Variants in CHD7 observed in about 807,000 individuals in gnomAD.
CHD7 encodes the protein chromodomain helicase DNA binding protein 7.
A neutral mutation model predicts 307.3 loss-of-function variants in CHD7; 24 were observed. The ratio of observed to expected loss-of-function variants is 0.08; its 90% confidence interval spans 0.06 to 0.11. The LOEUF is 0.11. Among genes scored for constraint, CHD7 ranks in the 10% least tolerant of loss-of-function variants. The pLI, the probability that CHD7 is intolerant of heterozygous loss-of-function variation, is 1.00. For missense variants in CHD7, 3,106 were observed against 3,727.1 expected (o/e 0.83, Z 4.34); for synonymous variants, 1,363 against 1,349.9 (o/e 1.01, Z -0.21).
chr8:60,712,747 T>G (rs1807345753), intron 1 of CHD7, among the ~76,000 whole-genome samples: 2 of 151,862 alleles, frequency 1.3e-5, no homozygotes, highest in Admixed American at 1.3e-4. Context: ...TGAAACCCCA[T>G]CTCTACTAAA....
chr8:60,691,094 T>C (rs970905908), intron 1 of CHD7, among the ~76,000 whole-genome samples: 2 of 152,014 alleles, frequency 1.3e-5, no homozygotes, highest in Non-Finnish European at 2.9e-5. Flanking sequence ...CCTGGCTAAT[T>C]TTTATATTTT....
At chr8:60,840,170 T>G (rs1363649782) in intron 19 of CHD7, among the ~76,000 whole-genome samples, 1 of 152,232 alleles carries the variant, frequency 6.6e-6, no homozygotes, top group Admixed American at 6.5e-5. Context: ...TGGTGTGAGG[T>G]AGGGGTCCAA....
chr8:60,790,536 T>C (rs1016293751), intron 3 of CHD7, among the ~76,000 whole-genome samples: 28 of 152,198 alleles, frequency 1.8e-4, no homozygotes, highest in African/African-American at 6.8e-4. Context: ...AGGTTGACGC[T>C]ATGTGGGGGT....
At chr8:60,796,941 A>G (rs4391471) in intron 4 of CHD7, among the ~76,000 whole-genome samples, 118,199 of 152,190 alleles carry the variant, frequency 0.78, 46,149 homozygotes, top group East Asian at 0.94. Flanking sequence ...GTCACAAGGT[A>G]CTGCAACAGT....
At position 60,714,880 on chromosome 8, in the gene CHD7, T is replaced by C. The variant is rs1481561282; in HGVS notation, c.-174-26379T>C. ...TGGTAATGCCTGTTGCTGACATAGCTCTATCAGAAAGGTGCTCAGCGGCTG... is the reference window on the plus strand; with the variant it reads ...TGGTAATGCCTGTTGCTGACATAGCCCTATCAGAAAGGTGCTCAGCGGCTG... On this transcript the variant is annotated intron_variant, in intron 1 of 37. Transcript: ENST00000423902. Among the ~76,000 whole-genome samples, 5 of 152,190 alleles carry C rather than the reference T, an allele frequency of 3.3e-5. No individual in the cohort carries two copies. The East Asian group carries it at 9.6e-4, about 29-fold the overall frequency.
At chr8:60,810,380 A>AGAGTGTGTGTGTGTGT (rs534826288) in intron 7 of CHD7, among the ~76,000 whole-genome samples, 1 of 145,980 alleles carries the variant, frequency 6.9e-6, no homozygotes, top group Non-Finnish European at 1.5e-5. Context: ...AGAGAGAGAG[A>AGAGTGTGTGTGTGTGT]GTGTGTGTGT....
chr8:60,679,334 C>G (rs1455008474), intron 1 of CHD7, among the ~76,000 whole-genome samples: 2 of 146,506 alleles, frequency 1.4e-5, no homozygotes, highest in Non-Finnish European at 3.0e-5. Flanking sequence ...CGCCCGGCGC[C>G]CCAACTTTTG....
At chr8:60,829,258 TA>T (rs1238980182) in intron 14 of CHD7, among the ~76,000 whole-genome samples, 2 of 152,228 alleles carry the variant, frequency 1.3e-5, no homozygotes, top group Non-Finnish European at 2.9e-5. Flanking sequence ...ACTTAGGGCA[TA>T]ACCACTGCAC....
At chr8:60,701,600 A>G (rs1177060781) in intron 1 of CHD7, among the ~76,000 whole-genome samples, 1 of 152,222 alleles carries the variant, frequency 6.6e-6, no homozygotes, top group East Asian at 1.9e-4. Flanking sequence ...TCTACCTTAT[A>G]TAATGGGAAT....
At chr8:60,688,594 T>A (rs1413329314) in intron 1 of CHD7, among the ~76,000 whole-genome samples, 1 of 152,184 alleles carries the variant, frequency 6.6e-6, no homozygotes, top group African/African-American at 2.4e-5. Flanking sequence ...TCTTGTTGAT[T>A]ATATAGAGTT....
chr8:60,820,184 C>T, intron 9 of CHD7, 94 bp downstream of exon 9: 1 of 730,696 alleles, frequency 1.4e-6, no homozygotes, highest in South Asian at 2.0e-5. Context: ...TGGTCTTGGT[C>T]AGAGCCTTGG....
At chr8:60,724,318 A>G (rs944545980) in intron 1 of CHD7, among the ~76,000 whole-genome samples, 3 of 152,236 alleles carry the variant, frequency 2.0e-5, no homozygotes, top group Admixed American at 6.5e-5. Context: ...ATTGTAGATC[A>G]TCAGCTCCTA....
Position 60,866,194 on chromosome 8 carries a change from C to G in CHD7, c.*261C>G. 1 of 327,616 alleles carries G rather than the reference C, an allele frequency of 3.1e-6. No individual in the cohort carries two copies. Among genetic ancestry groups the G allele is most frequent in the Non-Finnish European group, 5.6e-6 (1 of 179,738 alleles). The allele number at this position is 327,616 out of a possible 1,614,324, so 20.3% of individuals were successfully genotyped here. The stretch of plus-strand genomic sequence containing the variant: ...TCTTTTTAAGGAAACTTACATAATG[C>G]TCTGCTTTTTTTTTTTCTCTTGGTA... On this transcript the variant is annotated 3_prime_UTR_variant, in exon 38 of 38. Coordinates refer to ENST00000423902, the MANE Select transcript of CHD7 (RefSeq NM_017780.4).
intron 4 of CHD7, among the ~76,000 whole-genome samples, chr8:60,797,845 G>A (rs549211000): frequency 4.5e-4 from 69 of 152,334 alleles, no homozygotes; most frequent in African/African-American, 1.6e-3. Flanking sequence ...AAGTAGGTCA[G>A]CTTTGGAAAG....
intron 9 of CHD7, among the ~76,000 whole-genome samples, chr8:60,821,068 T>C (rs1370979307): frequency 6.6e-6 from 1 of 152,224 alleles, no homozygotes; most frequent in African/African-American, 2.4e-5. Context: ...TCAAATATGT[T>C]ATTTTAATGT....
At chr8:60,813,212 G>T (rs1191232313) in intron 7 of CHD7, among the ~76,000 whole-genome samples, 1 of 152,164 alleles carries the variant, frequency 6.6e-6, no homozygotes, top group East Asian at 1.9e-4. Flanking sequence ...AATTGTTGTT[G>T]TGAATGAAGA....
At chr8:60,817,451 T>C (rs993489416) in intron 8 of CHD7, among the ~76,000 whole-genome samples, 2 of 152,220 alleles carry the variant, frequency 1.3e-5, no homozygotes, top group South Asian at 4.1e-4. Context: ...GTCTGTGTTC[T>C]TCTGGGATCT....
chr8:60,767,683 C>T lies in CHD7; in HGVS notation c.1666-13317C>T, dbSNP rs76696141. 5.5e-3 allele frequency among the ~76,000 whole-genome samples: 842 copies of T among 152,334 alleles called. 6 individuals are homozygous for T. Among genetic ancestry groups the T allele is most frequent in the African/African-American group, 0.02 (812 of 41,576 alleles). ...AATGCTGTCTCCCTGCCCAGCAGCT[C>T]TGTGCGGGACTCCTCACGGTGCTGG... On this transcript the variant is annotated intron_variant, in intron 2 of 37. Coordinates refer to ENST00000423902, the MANE Select transcript of CHD7 (RefSeq NM_017780.4).
intron 29 of CHD7, 115 bp from the exon 30 acceptor site, chr8:60,852,383 T>C (rs961164142): frequency 7.7e-7 from 1 of 1,293,234 alleles, no homozygotes; most frequent in Non-Finnish European, 1.1e-6. Flanking sequence ...AGCAGTCTGT[T>C]TCCCCACCCC....
Sources: gnomAD v4.1 joint callset for allele counts (sites outside exome capture counted in the v4.1 genomes callset) on GRCh38, gnomAD v4.1.1 for gene constraint, MANE v1.5 for transcripts, NCBI Gene and HGNC (gene_info 2026-07-23, HGNC 2026-07-21) for gene names.